Variants in CALN1 observed in about 807,000 individuals in gnomAD.
CALN1 encodes calcium-binding protein 8.
Under a neutral mutation model 30.6 loss-of-function variants are expected in CALN1, and 17 were observed. That is an observed-to-expected ratio of 0.56 (90% CI 0.38 to 0.83). CALN1 has a LOEUF of 0.83. CALN1 is among the 40% of genes least tolerant of loss of function. CALN1 has a pLI of 0.00. For synonymous variants in CALN1, 156 were observed against 131.4 expected, an observed-to-expected ratio of 1.19 and a Z score of -1.28; for missense variants, 291 against 354.9, an observed-to-expected ratio of 0.82 and a Z score of 1.45.
intron 1 of CALN1, among the ~76,000 whole-genome samples, chr7:72,409,024 C>T (rs931149022): frequency 6.6e-6 from 1 of 151,726 alleles, no homozygotes; most frequent in Non-Finnish European, 1.5e-5. Flanking sequence ...GGAACAGAGT[C>T]TTGCTCTGTG....
At position 72,165,871 on chromosome 7, in the gene CALN1, T is replaced by C. The variant is rs183962380; in HGVS notation, c.245-59577A>G. ...TATGCATTGCACTGCATTTTATCAA[T>C]TCAGATGGAAACCCTTGAACCGTGA... On this transcript the variant is annotated intron_variant, in intron 3 of 6. Coordinates refer to ENST00000395275, the MANE Select transcript of CALN1 (RefSeq NM_031468.4). Among the ~76,000 whole-genome samples, 13 of 152,244 alleles carry C rather than the reference T, an allele frequency of 8.5e-5. No homozygotes were observed. In the East Asian group the frequency reaches 2.5e-3, roughly 29 times the overall value.
intron 3 of CALN1, among the ~76,000 whole-genome samples, chr7:72,232,804 T>G (rs1200897889): frequency 6.6e-6 from 1 of 152,154 alleles, no homozygotes; most frequent in African/African-American, 2.4e-5. Context: ...AGGAAACATA[T>G]GATATATTGA....
intron 2 of CALN1, among the ~76,000 whole-genome samples, chr7:72,341,467 G>A (rs1158055443): frequency 6.6e-6 from 1 of 152,222 alleles, no homozygotes; most frequent in Non-Finnish European, 1.5e-5. Context: ...AGGTTGCAGT[G>A]AGCCGAGATT....
rs143048525 is a variant in CALN1, at chr7:72,048,318, C to T, written c.389-24549G>A. Among the ~76,000 whole-genome samples, 48 of 152,228 alleles carry T rather than the reference C, an allele frequency of 3.2e-4. 2 individuals are homozygous for T. The East Asian group carries it at 5.2e-3, about 17-fold the overall frequency. The stretch of plus-strand genomic sequence containing the variant: ...CCTCCAAAAATGCTGGGATTACAGG[C>T]GTGAGCCACCACACCCAGCCCATAT... On this transcript the variant is annotated intron_variant, in intron 4 of 6. Transcript: ENST00000395275.
chr7:72,344,602 T>C (rs1005473798), intron 2 of CALN1, among the ~76,000 whole-genome samples: 1 of 146,274 alleles, frequency 6.8e-6, no homozygotes, highest in African/African-American at 2.5e-5. Flanking sequence ...TAAATATATA[T>C]TTATGTATTT....
chr7:72,270,416 A>C (rs184378710), intron 3 of CALN1, among the ~76,000 whole-genome samples: 2 of 152,138 alleles, frequency 1.3e-5, no homozygotes, highest in African/African-American at 4.8e-5. Flanking sequence ...TTTTAAGACT[A>C]AAGAAATATT....
chr7:72,356,844 G>A (rs1246587525), intron 2 of CALN1, among the ~76,000 whole-genome samples: 4 of 151,928 alleles, frequency 2.6e-5, no homozygotes, highest in East Asian at 1.9e-4. Flanking sequence ...ATGTTGAAAC[G>A]GATCTGATTA....
intron 1 of CALN1, among the ~76,000 whole-genome samples, chr7:72,429,832 T>C (rs1475241190): frequency 1.3e-5 from 2 of 151,034 alleles, no homozygotes; most frequent in Non-Finnish European, 2.9e-5. Context: ...TCTATATATA[T>C]ATTTGAGATG....
chr7:71,990,163 A>G (rs1798872260), intron 5 of CALN1, among the ~76,000 whole-genome samples: 1 of 152,192 alleles, frequency 6.6e-6, no homozygotes, highest in Admixed American at 6.5e-5. Context: ...CACTAAAACC[A>G]AAATGGCGAT....
chr7:72,258,119 A>ATT (rs35614498), intron 3 of CALN1, among the ~76,000 whole-genome samples: 2 of 151,736 alleles, frequency 1.3e-5, no homozygotes, highest in Non-Finnish European at 2.9e-5. Flanking sequence ...ACTGAAATGA[A>ATT]TTTTTTAAAA....
intron 4 of CALN1, among the ~76,000 whole-genome samples, chr7:72,070,121 C>T (rs1302744560): frequency 1.3e-5 from 2 of 152,128 alleles, no homozygotes; most frequent in Non-Finnish European, 2.9e-5. Flanking sequence ...AGGAAAAATC[C>T]TTGTCACTGC....
At chr7:72,171,664 G>A (rs1463753674) in intron 3 of CALN1, among the ~76,000 whole-genome samples, 2 of 151,962 alleles carry the variant, frequency 1.3e-5, no homozygotes, top group African/African-American at 2.4e-5. Flanking sequence ...TAGGAGAGGG[G>A]AGAAAAAAAG....
chr7:72,290,985 G>C (rs929298840), intron 2 of CALN1, among the ~76,000 whole-genome samples: 2 of 150,272 alleles, frequency 1.3e-5, no homozygotes, highest in East Asian at 2.0e-4. Context: ...GTGTAGTGGT[G>C]CAATTTGGGC....
intron 3 of CALN1, among the ~76,000 whole-genome samples, chr7:72,165,039 A>T (rs7783238): frequency 0.25 from 38,552 of 152,054 alleles, 5,949 homozygotes; most frequent in Non-Finnish European, 0.35. Flanking sequence ...ACATTTACCA[A>T]ATTCATCAAA....
chr7:72,280,442 G>A, intron 2 of CALN1, among the ~76,000 whole-genome samples: 1 of 152,182 alleles, frequency 6.6e-6, no homozygotes, highest in East Asian at 1.9e-4. Context: ...TACATCTTCA[G>A]CTAGTTACAA....
intron 6 of CALN1, among the ~76,000 whole-genome samples, chr7:71,797,762 C>G (rs1420375569): frequency 6.6e-6 from 1 of 152,076 alleles, no homozygotes; most frequent in East Asian, 1.9e-4. Flanking sequence ...GTTCTAATAA[C>G]AAAATTCATC....
chr7:72,238,207 T>C (rs1794603408), intron 3 of CALN1, among the ~76,000 whole-genome samples: 1 of 152,198 alleles, frequency 6.6e-6, no homozygotes, highest in African/African-American at 2.4e-5. Flanking sequence ...TATTCTATGA[T>C]AGTTACAAGA....
chr7:72,464,353 C>T, the CALN1 span, among the ~76,000 whole-genome samples: 1 of 152,282 alleles, frequency 6.6e-6, no homozygotes, highest in Non-Finnish European at 1.5e-5. Context: ...TGGAACTAGA[C>T]CGTGCTATCT....
chr7:71,922,492 A>G (rs1466214247), intron 5 of CALN1, among the ~76,000 whole-genome samples: 3 of 145,672 alleles, frequency 2.1e-5, no homozygotes, highest in Non-Finnish European at 3.0e-5. Context: ...TTAATATAAT[A>G]TATAATATAT....
Sources: gnomAD v4.1 joint callset for allele counts (sites outside exome capture counted in the v4.1 genomes callset) on GRCh38, gnomAD v4.1.1 for gene constraint, MANE v1.5 for transcripts, NCBI Gene and HGNC (gene_info 2026-07-23, HGNC 2026-07-21) for gene names.